The following SGCD variants were observed in gnomAD, a reference collection of about 807,000 sequenced individuals.
The protein encoded by SGCD is delta-sarcoglycan.
SGCD carries 18 observed loss-of-function variants against 36.6 expected under a neutral mutation model. The ratio of observed to expected loss-of-function variants is 0.49; its 90% CI spans 0.34 to 0.73. SGCD has a LOEUF of 0.73. SGCD is among the 30% of genes least tolerant of loss of function. SGCD has a pLI of 0.01. For synonymous variants in SGCD, 133 were observed against 130.6 expected, an observed-to-expected ratio of 1.02 and a Z score of -0.12; for missense variants, 387 against 346.7, an observed-to-expected ratio of 1.12 and a Z score of -0.92.
chr5:156,397,599 G>A (rs1771929403), intron 3 of SGCD, among the ~76,000 whole-genome samples: 1 of 152,182 alleles, frequency 6.6e-6, no homozygotes, highest in South Asian at 2.1e-4. Context: ...CGTTCACTGT[G>A]ACCTGTGGCA....
At chr5:156,428,235 A>G (rs1357027608) in intron 3 of SGCD, among the ~76,000 whole-genome samples, 1 of 152,030 alleles carries the variant, frequency 6.6e-6, no homozygotes, top group Non-Finnish European at 1.5e-5. Context: ...TGGTCTGTTA[A>G]GGGTATCTAA....
chr5:155,805,864 G>T, the SGCD span, among the ~76,000 whole-genome samples: 1 of 152,168 alleles, frequency 6.6e-6, no homozygotes, highest in African/African-American at 2.4e-5. Context: ...ATGTTGTTTT[G>T]CAAGCAAACC....
chr5:156,091,085 C>G (rs1761230958), intron 1 of SGCD, among the ~76,000 whole-genome samples: 1 of 152,132 alleles, frequency 6.6e-6, no homozygotes, highest in Non-Finnish European at 1.5e-5. Context: ...TGACATACAT[C>G]CTCAGCTTAC....
chr5:156,189,267 C>T (rs1341541515), intron 3 of SGCD, among the ~76,000 whole-genome samples: 1 of 152,086 alleles, frequency 6.6e-6, no homozygotes, highest in South Asian at 2.1e-4. Context: ...CTGAAAACCT[C>T]TGGGGGTTGA....
At chr5:156,700,404 A>G in intron 7 of SGCD, among the ~76,000 whole-genome samples, 1 of 152,138 alleles carries the variant, frequency 6.6e-6, no homozygotes, top group Admixed American at 6.5e-5. Context: ...TGTGGTCAAA[A>G]GATAGCTTCC....
At chr5:156,070,417 A>T (rs895156346) in intron 1 of SGCD, among the ~76,000 whole-genome samples, 34 of 151,332 alleles carry the variant, frequency 2.2e-4, no homozygotes, top group Non-Finnish European at 1.5e-5. Context: ...GGTTCTGTTT[A>T]TATGCTGGAT....
At chr5:155,799,655 A>G in the SGCD span, among the ~76,000 whole-genome samples, 1 of 151,502 alleles carries the variant, frequency 6.6e-6, no homozygotes, top group Non-Finnish European at 1.5e-5. Flanking sequence ...CTCGGCCTCC[A>G]AAGTGATGGG....
chr5:155,836,519 C>G, the SGCD span, among the ~76,000 whole-genome samples: 1 of 138,016 alleles, frequency 7.2e-6, no homozygotes, highest in African/African-American at 2.6e-5. Context: ...TTTTATCATA[C>G]CTTGATAGAG....
At chr5:156,402,215 T>G (rs1772192574) in intron 3 of SGCD, among the ~76,000 whole-genome samples, 1 of 152,234 alleles carries the variant, frequency 6.6e-6, no homozygotes. Flanking sequence ...TGCATCATGT[T>G]GCTATGAACA....
chr5:156,620,790 A>G (rs1420160673), intron 6 of SGCD, among the ~76,000 whole-genome samples: 2 of 152,220 alleles, frequency 1.3e-5, no homozygotes, highest in East Asian at 3.9e-4. Context: ...TATAGTAAAC[A>G]GGAATTACTT....
At chr5:155,765,179 C>T in the SGCD span, among the ~76,000 whole-genome samples, 1 of 151,492 alleles carries the variant, frequency 6.6e-6, no homozygotes. Flanking sequence ...ACTTGGGGGG[C>T]TGAGGTGGGA....
chr5:155,861,565 A>G, the SGCD span, among the ~76,000 whole-genome samples: 1 of 152,140 alleles, frequency 6.6e-6, no homozygotes, highest in African/African-American at 2.4e-5. Flanking sequence ...TAAAAATACA[A>G]AAATTAGCTG....
chr5:155,866,348 C>T (rs141978820), upstream of SGCD, among the ~76,000 whole-genome samples: 651 of 152,166 alleles, frequency 4.3e-3, 1 homozygote, highest in African/African-American at 0.015. Context: ...CAGTTTTATC[C>T]GCCATTGTTT....
At chr5:155,753,214 G>A in the SGCD span, among the ~76,000 whole-genome samples, 1 of 152,052 alleles carries the variant, frequency 6.6e-6, no homozygotes, top group Non-Finnish European at 1.5e-5. Flanking sequence ...GCACGCGCCT[G>A]TAGTCCCACC....
At chr5:156,476,639 A>G (rs1755193813) in intron 3 of SGCD, among the ~76,000 whole-genome samples, 1 of 152,196 alleles carries the variant, frequency 6.6e-6, no homozygotes, top group East Asian at 1.9e-4. Flanking sequence ...GCATAGTATA[A>G]TGCTTCCGTA....
chr5:156,508,734 T>G (rs1756812604), intron 4 of SGCD, 32 bp downstream of exon 4: 1 of 1,274,972 alleles, frequency 7.8e-7, no homozygotes, highest in African/African-American at 1.5e-5. Context: ...GAGGCATTAT[T>G]GTTGCTCTAG....
At chr5:156,445,852 A>T (rs1396120337) in intron 3 of SGCD, among the ~76,000 whole-genome samples, 2 of 152,088 alleles carry the variant, frequency 1.3e-5, no homozygotes, top group Admixed American at 6.6e-5. Context: ...ACACACAAAC[A>T]CTGTGTTTTT....
chr5:156,728,738 C>CTGTGT (rs1490468385), intron 7 of SGCD, among the ~76,000 whole-genome samples: 1 of 152,032 alleles, frequency 6.6e-6, no homozygotes, highest in Non-Finnish European at 1.5e-5. Flanking sequence ...GCACAATGGT[C>CTGTGT]TGTGTGACTT....
chr5:156,661,851 G>A (rs1252945610), intron 7 of SGCD, among the ~76,000 whole-genome samples: 1 of 152,060 alleles, frequency 6.6e-6, no homozygotes. Flanking sequence ...TCGTAATCTT[G>A]TCTGACCGAT....
Sources: gnomAD v4.1 joint callset for allele counts (sites outside exome capture counted in the v4.1 genomes callset) on GRCh38, gnomAD v4.1.1 for gene constraint, MANE v1.5 for transcripts, NCBI Gene and HGNC (gene_info 2026-07-23, HGNC 2026-07-21) for gene names.